MYO6: variants seen among roughly 807,000 people sequenced by gnomAD.
MYO6 encodes the protein unconventional myosin-VI.
MYO6 carries 74 observed loss-of-function variants against 178.7 expected under a neutral mutation model. That is an observed-to-expected ratio of 0.41 (90% CI 0.34 to 0.50). The LOEUF (loss-of-function observed/expected upper bound fraction) is 0.50, where lower values mean the gene tolerates loss of function less well. Among genes scored for constraint, MYO6 ranks in the 20% least tolerant of loss-of-function variants. The probability of loss-of-function intolerance (pLI) is 0.09; values close to 1 mark genes in which losing one functional copy is unlikely to be tolerated. For synonymous variants in MYO6, 477 were observed against 504.6 expected, an observed-to-expected ratio of 0.95 and a Z score of 0.73; for missense variants, 1,330 against 1,547.4, an observed-to-expected ratio of 0.86 and a Z score of 2.36.
intron 28 of MYO6, among the ~76,000 whole-genome samples, chr6:75,893,277 T>TGGAA (rs1779048401): frequency 6.6e-6 from 1 of 152,106 alleles, no homozygotes. Flanking sequence ...TATAGGAATG[T>TGGAA]GGAAGCTCTT....
At chr6:75,841,063 T>C in intron 8 of MYO6, 151 bp from the exon 9 acceptor site, 1 of 759,714 alleles carries the variant, frequency 1.3e-6, no homozygotes, top group Non-Finnish European at 2.2e-6. Flanking sequence ...TGCTTACGTT[T>C]AGTTATTTGT....
In MYO6 at chr6:75,855,206, C is replaced by T. The variant is rs1361802713; in HGVS notation, c.1146C>T (p.Asp382=). The change falls in exon 12 of 35, where the codon GAC becomes GAT. Residue 382 remains aspartate (D), a synonymous_variant. Transcript: ENST00000369977. Reference sequence around the variant, plus strand: ...ATTGTGCTGAATTACTGGGTTTGGACCAAGATGATCTTCGAGTAAGTTTGA... The same window carrying T: ...ATTGTGCTGAATTACTGGGTTTGGATCAAGATGATCTTCGAGTAAGTTTGA... ...LEYCAELLGL[D]QDDLRVSLTT... is the part of the protein sequence containing the mutation. The T allele has an allele frequency of 1.9e-6, 3 of 1,613,354 alleles. No individual in the cohort carries two copies. Among genetic ancestry groups the T allele is most frequent in the Non-Finnish European group, 2.5e-6 (3 of 1,179,626 alleles).
chr6:75,865,622 C>T (rs992835731), intron 16 of MYO6, among the ~76,000 whole-genome samples: 5 of 151,992 alleles, frequency 3.3e-5, no homozygotes, highest in African/African-American at 1.2e-4. Context: ...GCCTCAGCCT[C>T]CCGAAGTGCT....
In MYO6 at chr6:75,916,550, C is replaced by T. The variant is rs914575817; in HGVS notation, c.*1538C>T. ...AGCTTCACCCACCCTCGGGTCATTT[C>T]GTCCCTGTGATTGGGGACAGAAGGT... On this transcript the variant is annotated 3_prime_UTR_variant, in exon 35 of 35. Transcript: ENST00000369977. 23 of 152,610 alleles carry T rather than the reference C, an allele frequency of 1.5e-4. No individual in the cohort carries two copies. The highest frequency in any genetic ancestry group is 2.4e-4 in the African/African-American group (10 of 41,438). The allele number at this position is 152,610 out of a possible 1,614,324, so 9.5% of individuals were successfully genotyped here.
chr6:75,885,372 A>G (rs1778347024), intron 23 of MYO6, among the ~76,000 whole-genome samples: 1 of 152,172 alleles, frequency 6.6e-6, no homozygotes, highest in African/African-American at 2.4e-5. Flanking sequence ...TGGCTCGAAT[A>G]AAAATACACA....
At chr6:75,870,596 C>T (rs1777066659) in intron 18 of MYO6, 51 bp from the exon 19 acceptor site, 2 of 1,413,020 alleles carry the variant, frequency 1.4e-6, no homozygotes, top group East Asian at 2.3e-5. Flanking sequence ...ACTCATGACA[C>T]TGTGTACTTT....
intron 18 of MYO6, among the ~76,000 whole-genome samples, chr6:75,868,542 T>C (rs1226085279): frequency 6.6e-6 from 1 of 152,136 alleles, no homozygotes; most frequent in Admixed American, 6.5e-5. Flanking sequence ...AAACTTCTTA[T>C]AATTGCTTAT....
chr6:75,907,786 G>GTGTGTGTC, intron 31 of MYO6, 78 bp downstream of exon 31: 3 of 841,690 alleles, frequency 3.6e-6, no homozygotes, highest in African/African-American at 1.8e-5. Context: ...GGTGAGGTGT[G>GTGTGTGTC]TGTGTGTATG....
chr6:75,827,632 A>G (rs1453768895), intron 3 of MYO6, among the ~76,000 whole-genome samples: 1 of 152,184 alleles, frequency 6.6e-6, no homozygotes, highest in African/African-American at 2.4e-5. Context: ...AGAGGTAATG[A>G]GAACTAAACT....
At chr6:75,805,004 T>TAC (rs1769897451) in intron 1 of MYO6, among the ~76,000 whole-genome samples, 1 of 55,514 alleles carries the variant, frequency 1.8e-5, no homozygotes, top group African/African-American at 1.1e-4. Context: ...CACACACACA[T>TAC]ATATATATAT....
At chr6:75,831,112 T>C (rs910102655) in intron 5 of MYO6, among the ~76,000 whole-genome samples, 1 of 152,240 alleles carries the variant, frequency 6.6e-6, no homozygotes, top group Admixed American at 6.5e-5. Context: ...TCAGCCTCTT[T>C]TATTTTGAAG....
At position 75,822,768 on chromosome 6, in the gene MYO6, G is replaced by GT. The variant is rs769039414; in HGVS notation, c.118-10dup. On this transcript the variant is annotated splice_polypyrimidine_tract_variant and intron_variant, in intron 2 of 34. Coordinates refer to ENST00000369977, the MANE Select transcript of MYO6 (RefSeq NM_004999.4). The stretch of plus-strand genomic sequence containing the variant: ...AAAGCCTTGAGTTTAATGAGCATTT[G>GT]TTTTGCTTGTTAGACATTTTTGGCT... The GT allele has an allele frequency of 5.6e-6, 9 of 1,610,876 alleles. No individual in the cohort carries two copies. The highest frequency in any genetic ancestry group is 7.6e-6 in the Non-Finnish European group (9 of 1,177,528).
At chr6:75,892,407 C>T in intron 27 of MYO6, 123 bp from the exon 28 acceptor site, 2 of 1,254,258 alleles carry the variant, frequency 1.6e-6, no homozygotes, top group East Asian at 4.6e-5. Context: ...TGTGCTTAAG[C>T]AATTCTTTAG....
chr6:75,819,697 AAG>A (rs1051313155), intron 2 of MYO6, among the ~76,000 whole-genome samples: 1 of 152,260 alleles, frequency 6.6e-6, no homozygotes, highest in African/African-American at 2.4e-5. Context: ...AGTTGATCAA[AAG>A]AAACATTCTT....
At chr6:75,898,690 A>G (rs1353866891) in intron 30 of MYO6, among the ~76,000 whole-genome samples, 2 of 152,196 alleles carry the variant, frequency 1.3e-5, no homozygotes, top group Non-Finnish European at 1.5e-5. Context: ...TCTGGCCTCC[A>G]CCAACTCAGT....
chr6:75,868,214 C>G (rs140514128), intron 18 of MYO6, among the ~76,000 whole-genome samples: 270 of 151,134 alleles, frequency 1.8e-3, no homozygotes, highest in African/African-American at 6.2e-3. Flanking sequence ...TAGGGAAAAA[C>G]CTCATAATAC....
At chr6:75,853,044 G>A (rs1448757055) in intron 11 of MYO6, among the ~76,000 whole-genome samples, 3 of 152,116 alleles carry the variant, frequency 2.0e-5, no homozygotes, top group African/African-American at 4.8e-5. Flanking sequence ...AGGGTGTGAC[G>A]TGTTATCTTT....
chr6:75,794,071 A>G (rs1583097513), intron 1 of MYO6, among the ~76,000 whole-genome samples: 2 of 152,344 alleles, frequency 1.3e-5, no homozygotes, highest in Non-Finnish European at 2.9e-5. Flanking sequence ...GACTGTAGAA[A>G]TAAAATTTTC....
chr6:75,902,450 T>C (rs1779877946), intron 30 of MYO6, among the ~76,000 whole-genome samples: 2 of 152,240 alleles, frequency 1.3e-5, no homozygotes, highest in African/African-American at 2.4e-5. Context: ...TGGTTTAGTG[T>C]TGGGAGAGTG....
Sources: allele counts gnomAD v4.1 joint callset (sites outside exome capture counted in the v4.1 genomes callset), GRCh38; gene constraint gnomAD v4.1.1; transcripts MANE v1.5; gene names NCBI Gene and HGNC (gene_info 2026-07-23, HGNC 2026-07-21).